The following CFAP20DC variants were observed in gnomAD, a reference collection of about 807,000 sequenced individuals.
CFAP20DC encodes the protein CFAP20 domain containing.
In CFAP20DC, 84 loss-of-function variants were observed where a neutral mutation model predicts 101.7. The ratio of observed to expected loss-of-function variants is 0.83; its 90% CI spans 0.69 to 0.99. CFAP20DC has a LOEUF of 0.99. Among genes scored for constraint, CFAP20DC ranks in the 50% least tolerant of loss-of-function variants. The pLI, the probability that CFAP20DC is intolerant of heterozygous loss-of-function variation, is 0.00. For synonymous variants in CFAP20DC, 359 were observed against 351.2 expected (o/e 1.02, Z -0.25); for missense variants, 1,007 against 970.3 (o/e 1.04, Z -0.50).
rs2079451410 is a variant in CFAP20DC, at chr3:58,863,849, C to G, written c.1302G>C (p.Leu434=). The G allele has an allele frequency of 6.2e-7, 1 of 1,613,916 alleles. No individual in the cohort carries two copies. Among genetic ancestry groups the G allele is most frequent in the Non-Finnish European group, 8.5e-7 (1 of 1,179,920 alleles). Residue 434 remains leucine, a synonymous_variant, in exon 12 of 17, where the codon CTG becomes CTC. Transcript: ENST00000482387. The surrounding 1 kb of genome is among the most constrained non-coding windows in gnomAD (Gnocchi z 5.9). ...GAAGTAGAGACTGTCTGCTGGATGC[C>G]AGATATGAAATGTGATCAGCATTTT... ...FPENADHISY[L]ASSRQSLLLG...
intron 4 of CFAP20DC, among the ~76,000 whole-genome samples, chr3:58,958,909 T>C (rs548386024): frequency 1.3e-5 from 2 of 152,040 alleles, no homozygotes; most frequent in East Asian, 1.9e-4. Context: ...GTCTGTGGTT[T>C]GTCTTCATTT....
Position 58,868,677 on chromosome 3 carries a change from G to A in CFAP20DC, c.1015+651C>T, listed in dbSNP as rs1369904840. Among the ~76,000 whole-genome samples, 2 of 152,110 alleles carry A rather than the reference G, an allele frequency of 1.3e-5. No individual in the cohort carries two copies. The highest frequency in any genetic ancestry group is 2.9e-5 in the Non-Finnish European group (2 of 68,008). On this transcript the variant is annotated intron_variant, in intron 9 of 16. Transcript: ENST00000482387. This position sits in a 1 kb window ranked among gnomAD's most constrained non-coding sequence, Gnocchi z 4.6. ...TCCTTATTTCAGTTTCATACTCCACGAGGGAAATTTTCTGTGACAGTGATC... is the reference window on the plus strand; with the variant it reads ...TCCTTATTTCAGTTTCATACTCCACAAGGGAAATTTTCTGTGACAGTGATC...
chr3:58,965,130 C>T (rs1348705245), intron 4 of CFAP20DC, among the ~76,000 whole-genome samples: 1 of 152,144 alleles, frequency 6.6e-6, no homozygotes, highest in Non-Finnish European at 1.5e-5. Context: ...CCTGCAACAA[C>T]CATCCAGCGA....
At chr3:58,939,167 T>A (rs1288517361) in intron 4 of CFAP20DC, among the ~76,000 whole-genome samples, 8 of 152,218 alleles carry the variant, frequency 5.3e-5, no homozygotes, top group Admixed American at 5.2e-4. Context: ...TACAGTAGTA[T>A]AGTAACATAT....
chr3:58,806,315 T>C (rs900267704), intron 15 of CFAP20DC, 80 bp downstream of exon 15: 10 of 994,636 alleles, frequency 1.0e-5, no homozygotes, highest in African/African-American at 1.6e-5. Context: ...TGGAAAACAA[T>C]TTCAGAAAAC....
At chr3:58,761,474 C>A (rs536956675) in intron 15 of CFAP20DC, among the ~76,000 whole-genome samples, 1 of 151,942 alleles carries the variant, frequency 6.6e-6, no homozygotes, top group African/African-American at 2.4e-5. Context: ...TGTTGATCTT[C>A]TCAAAAAACC....
intron 4 of CFAP20DC, among the ~76,000 whole-genome samples, chr3:59,037,485 C>A (rs181779805): frequency 6.6e-6 from 1 of 151,682 alleles, no homozygotes; most frequent in Non-Finnish European, 1.5e-5. Context: ...TGAACAGACA[C>A]TTCTCAAAAG....
chr3:58,781,596 C>A (rs1606928), intron 15 of CFAP20DC, among the ~76,000 whole-genome samples: 152,193 of 152,194 alleles, frequency 1, 76,096 homozygotes, highest in Middle Eastern at 1. Context: ...GAAATGAAAC[C>A]GAAGATATTA....
chr3:58,785,698 G>A (rs1432271539), intron 15 of CFAP20DC, among the ~76,000 whole-genome samples: 2 of 152,128 alleles, frequency 1.3e-5, no homozygotes, highest in Non-Finnish European at 2.9e-5. Context: ...TAACGGGTTT[G>A]CTTCATATGG....
At chr3:58,952,142 A>G (rs1049175039) in intron 4 of CFAP20DC, among the ~76,000 whole-genome samples, 3 of 152,146 alleles carry the variant, frequency 2.0e-5, no homozygotes, top group Non-Finnish European at 4.4e-5. Flanking sequence ...CGTTGAGTTC[A>G]TTGTAGTTTT....
rs1386281073 is a variant in CFAP20DC at position 58,884,537 on chromosome 3, G to A, written c.715+8C>T. 1 of 1,613,286 alleles carries A rather than the reference G, an allele frequency of 6.2e-7. No homozygotes were observed. Among genetic ancestry groups the A allele is most frequent in the East Asian group, 2.2e-5 (1 of 44,860 alleles). On this transcript the variant is annotated splice_region_variant and intron_variant, in intron 7 of 16. Transcript: ENST00000482387. Reference sequence around the variant, plus strand: ...TTACACTTATAATTTAGGTGCCTGAGTGTCTACCTGATTCTGCTGATCTTA... The same window carrying A: ...TTACACTTATAATTTAGGTGCCTGAATGTCTACCTGATTCTGCTGATCTTA...
At chr3:58,898,132 GCT>G (rs1268865856) in intron 6 of CFAP20DC, among the ~76,000 whole-genome samples, 1 of 150,074 alleles carries the variant, frequency 6.7e-6, no homozygotes, top group Non-Finnish European at 1.5e-5. Context: ...TAGTCTTCAA[GCT>G]CTGAGATTCT....
At chr3:58,758,044 A>G (rs2069126282) in intron 15 of CFAP20DC, among the ~76,000 whole-genome samples, 1 of 152,100 alleles carries the variant, frequency 6.6e-6, no homozygotes, top group African/African-American at 2.4e-5. Flanking sequence ...CATTGCCCAA[A>G]TTTATGTATC....
chr3:58,961,795 T>C (rs531065299), intron 4 of CFAP20DC, among the ~76,000 whole-genome samples: 177 of 152,224 alleles, frequency 1.2e-3, no homozygotes, highest in Middle Eastern at 6.8e-3. Flanking sequence ...GTCAACCAAA[T>C]TGTCTATGGA....
chr3:58,774,018 G>A (rs556852885), intron 15 of CFAP20DC, among the ~76,000 whole-genome samples: 20 of 151,536 alleles, frequency 1.3e-4, no homozygotes, highest in Non-Finnish European at 2.4e-4. Flanking sequence ...GTTGCTGGAG[G>A]ATAAAAGGTC....
At chr3:58,855,044 C>G (rs1398802918) in intron 12 of CFAP20DC, among the ~76,000 whole-genome samples, 2 of 147,042 alleles carry the variant, frequency 1.4e-5, no homozygotes, top group East Asian at 4.0e-4. Flanking sequence ...TCAGAGTGAA[C>G]AGGCAACCTA....
intron 6 of CFAP20DC, among the ~76,000 whole-genome samples, chr3:58,907,790 G>A (rs2083751599): frequency 6.6e-6 from 1 of 152,142 alleles, no homozygotes; most frequent in Non-Finnish European, 1.5e-5. Context: ...TACTGATAAG[G>A]AAGCTGAAGC....
downstream of CFAP20DC, among the ~76,000 whole-genome samples, chr3:58,740,765 T>G (rs1435747890): frequency 6.6e-6 from 1 of 152,148 alleles, no homozygotes; most frequent in African/African-American, 2.4e-5. The surrounding 1 kb of genome is among the most constrained non-coding windows in gnomAD (Gnocchi z 4.6). Context: ...TAATTGACTC[T>G]CTTATTTATG....
rs1188255996 is a variant in CFAP20DC at position 58,966,493 on chromosome 3, CAT to C, written c.279-28733_279-28732del. On this transcript the variant is annotated intron_variant, in intron 4 of 16. Coordinates refer to ENST00000482387, the MANE Select transcript of CFAP20DC (RefSeq NM_001394063.1). ...ATATGTGTATATATATATATATACA[CAT>C]ATGTGTGTGTGTGTGTATATATATA... Among the ~76,000 whole-genome samples, 1,119 of 114,912 alleles carry C rather than the reference CAT, an allele frequency of 9.7e-3. 17 individuals are homozygous for C. The highest frequency in any genetic ancestry group is 0.028 in the African/African-American group (1,033 of 36,440). 75.4% of individuals were successfully genotyped at this position (114,912 alleles called of 152,430 possible). A position where few individuals can be genotyped will look rare whatever the true frequency, so the allele number is the denominator to read the frequency against.
Sources: gnomAD v4.1 joint callset for allele counts (sites outside exome capture counted in the v4.1 genomes callset) on GRCh38, gnomAD v4.1.1 for gene constraint, Gnocchi (gnomAD v3.1) non-coding constraint, MANE v1.5 for transcripts, NCBI Gene and HGNC (gene_info 2026-07-23, HGNC 2026-07-21) for gene names.